The following ACTA2 variants were observed in gnomAD, a reference collection of about 807,000 sequenced individuals.
ACTA2 encodes the protein actin alpha 2, smooth muscle, also known as actin, aortic smooth muscle.
In ACTA2, 12 loss-of-function variants were observed where a neutral mutation model predicts 39.5. That is an observed-to-expected ratio of 0.30 (90% CI 0.19 to 0.49). ACTA2 has a LOEUF of 0.49. ACTA2 is among the 20% of genes least tolerant of loss of function. ACTA2 has a pLI of 0.99. For synonymous variants in ACTA2, 158 were observed against 180.6 expected, an observed-to-expected ratio of 0.88 and a Z score of 1.00; for missense variants, 236 against 498.8, an observed-to-expected ratio of 0.47 and a Z score of 5.02.
At position 88,935,508 on chromosome 10, in the gene ACTA2, G is replaced by T. The variant is rs3781211; in HGVS notation, c.991-142C>A. On this transcript the variant is annotated intron_variant, in intron 8 of 8. Transcript: ENST00000224784. ...CAGGCTTGTCTGTTAGATGCCAATTGTGTCCTAATTGTGTCATGTTCTTGG... is the reference window on the plus strand; with the variant it reads ...CAGGCTTGTCTGTTAGATGCCAATTTTGTCCTAATTGTGTCATGTTCTTGG... 100,085 of 911,238 alleles carry T rather than the reference G, an allele frequency of 0.11. 8,312 individuals carry two copies. The highest frequency in any genetic ancestry group is 0.33 in the South Asian group (23,884 of 72,064). The allele number at this position is 911,238 out of a possible 1,614,324, so 56.4% of individuals were successfully genotyped here.
At chr10:88,957,228 ATAATG>A (rs1159795662), upstream of ACTA2, among the ~76,000 whole-genome samples, 4 of 152,212 alleles carry the variant, frequency 2.6e-5, no homozygotes, top group African/African-American at 4.8e-5. Context: ...GAATGTCTAG[ATAATG>A]TAATGTATTT....
chr10:88,954,941 G>A (rs1203744322), upstream of ACTA2, among the ~76,000 whole-genome samples: 3 of 150,696 alleles, frequency 2.0e-5, no homozygotes, highest in Non-Finnish European at 2.9e-5. Context: ...CCAGCCAAGC[G>A]GCCAGATACT....
intron 3 of ACTA2, 125 bp downstream of exon 3, chr10:88,947,133 A>T (rs1018938051): frequency 2.2e-6 from 3 of 1,376,864 alleles, no homozygotes; most frequent in Non-Finnish European, 3.0e-6. Flanking sequence ...AATGAACATT[A>T]ACAAGTAAAA....
At chr10:88,981,011 G>T (rs1169761378) in intron 1 of ACTA2, among the ~76,000 whole-genome samples, 2 of 152,306 alleles carry the variant, frequency 1.3e-5, no homozygotes, top group Non-Finnish European at 2.9e-5. Context: ...TGGAGGAATA[G>T]GGTCCTTCCA....
intron 1 of ACTA2, among the ~76,000 whole-genome samples, chr10:88,967,697 G>A (rs184575968): frequency 1.3e-5 from 2 of 152,272 alleles, no homozygotes; most frequent in African/African-American, 2.4e-5. Context: ...TCATGATTTT[G>A]TTACTGTAAG....
At position 88,949,372 on chromosome 10, in the gene ACTA2, T is replaced by G. The variant is rs1021792007; in HGVS notation, c.-23-419A>C. ...ATTTTCCTGTCTGTATCAACCCAAA[T>G]GCACATTTTTCTAGATATGCTATAC... is the stretch of plus-strand genomic sequence containing the variant. On this transcript the variant is annotated intron_variant, in intron 1 of 8. Transcript: ENST00000224784. Among the ~76,000 whole-genome samples, 6 of 152,180 alleles carry G rather than the reference T, an allele frequency of 3.9e-5. No homozygotes were observed. The East Asian group carries it at 1.2e-3, about 29-fold the overall frequency.
At chr10:88,986,049 A>T (rs1356015349) in intron 1 of ACTA2, among the ~76,000 whole-genome samples, 1 of 152,208 alleles carries the variant, frequency 6.6e-6, no homozygotes, top group African/African-American at 2.4e-5. Context: ...AAACAAAATG[A>T]CTTAGGGAAC....
intron 8 of ACTA2, among the ~76,000 whole-genome samples, chr10:88,936,746 A>G (rs1011550001): frequency 1.3e-5 from 2 of 152,088 alleles, no homozygotes; most frequent in African/African-American, 4.8e-5. Flanking sequence ...TTTACAAATT[A>G]CCCAAGTCTT....
intron 4 of ACTA2, among the ~76,000 whole-genome samples, 157 bp from the exon 5 acceptor site, chr10:88,942,026 AGAG>A (rs1308677311): frequency 6.6e-6 from 1 of 152,188 alleles, no homozygotes; most frequent in Non-Finnish European, 1.5e-5. Flanking sequence ...GTCACGTTAA[AGAG>A]GAGAAATGAA....
In ACTA2 at chr10:88,983,560, G is replaced by A. The variant is rs146676863; in HGVS notation, c.-24+7379C>T. On this transcript the variant is annotated intron_variant, in intron 1 of 4. Coordinates refer to the ACTA2 transcript ENST00000415557. ...TTTCTATAAAATAGGATGGTAACAG[G>A]ACCTACTTTACAGGGAGTTGTAAGG... Among the ~76,000 whole-genome samples, 1,049 of 121,260 alleles carry A rather than the reference G, an allele frequency of 8.7e-3. 5 individuals are homozygous for A. Among genetic ancestry groups the A allele is most frequent in the South Asian group, 0.018 (65 of 3,550 alleles). 79.6% of individuals were successfully genotyped at this position (121,260 alleles called of 152,430 possible).
intron 1 of ACTA2, among the ~76,000 whole-genome samples, chr10:88,960,375 C>G (rs914875581): frequency 2.0e-5 from 3 of 152,102 alleles, no homozygotes; most frequent in Non-Finnish European, 4.4e-5. Flanking sequence ...TCTGTGAAGA[C>G]TAGCTGATAG....
At chr10:88,983,984 T>TCTTTA (rs2133356741) in intron 1 of ACTA2, among the ~76,000 whole-genome samples, 1 of 151,064 alleles carries the variant, frequency 6.6e-6, no homozygotes, top group African/African-American at 2.4e-5. Context: ...GACAAAAAAC[T>TCTTTA]CTTTAGATGC....
rs1221131310 is a variant in ACTA2, at chr10:88,990,625, G to C, written c.-24+314C>G. The C allele has an allele frequency of 2.9e-6, 2 of 688,838 alleles. No homozygotes were observed. The highest frequency in any genetic ancestry group is 1.8e-5 in the African/African-American group (1 of 56,968). The allele number at this position is 688,838 out of a possible 1,614,324, so 42.7% of individuals were successfully genotyped here. ...CTTCCTTCCCATCCTCCTGACCACC[G>C]GGGCTTTTCGTGAGCTCGTCTCTGA... is the stretch of plus-strand genomic sequence containing the variant. On this transcript the variant is annotated intron_variant, in intron 1 of 4. Transcript: ENST00000415557. This position sits in a 1 kb window ranked among gnomAD's most constrained non-coding sequence, Gnocchi z 4.9.
chr10:88,980,850 G>A (rs1046311481), intron 1 of ACTA2, among the ~76,000 whole-genome samples: 2 of 152,202 alleles, frequency 1.3e-5, no homozygotes, highest in African/African-American at 4.8e-5. Context: ...TAAAAAGAGA[G>A]AGATAATTTT....
chr10:88,973,212 G>T (rs1161941751), intron 1 of ACTA2: 3 of 1,612,204 alleles, frequency 1.9e-6, no homozygotes, highest in Non-Finnish European at 2.5e-6. Flanking sequence ...GATAATTTCT[G>T]GCACTGCTTT....
intron 1 of ACTA2, chr10:88,973,297 C>T: frequency 6.2e-7 from 1 of 1,611,360 alleles, no homozygotes; most frequent in Non-Finnish European, 8.5e-7. Context: ...TCATCATCAC[C>T]ATCTGAACAG....
At chr10:88,982,669 T>C (rs1020672903) in intron 1 of ACTA2, among the ~76,000 whole-genome samples, 2 of 152,208 alleles carry the variant, frequency 1.3e-5, no homozygotes, top group Non-Finnish European at 2.9e-5. Flanking sequence ...AGTTTTTTTT[T>C]CTTTTTCTTG....
intron 1 of ACTA2, among the ~76,000 whole-genome samples, chr10:88,971,429 G>A (rs186911884): frequency 1.3e-5 from 2 of 152,304 alleles, no homozygotes; most frequent in African/African-American, 2.4e-5. Context: ...TTGGCAACAC[G>A]GCCCATTTAA....
upstream of ACTA2, among the ~76,000 whole-genome samples, chr10:88,956,621 T>C (rs1295998906): frequency 3.9e-5 from 6 of 152,196 alleles, no homozygotes. Context: ...ATCCCGCCTA[T>C]TACATACCCC....
Sources: allele counts gnomAD v4.1 joint callset (sites outside exome capture counted in the v4.1 genomes callset), GRCh38; gene constraint gnomAD v4.1.1; non-coding constraint Gnocchi (gnomAD v3.1); transcripts MANE v1.5; gene names NCBI Gene and HGNC (gene_info 2026-07-23, HGNC 2026-07-21).